The following PRDM16 variants were observed in gnomAD, a reference collection of about 807,000 sequenced individuals.
PRDM16 encodes the protein histone-lysine N-methyltransferase PRDM16.
In PRDM16, 23 loss-of-function variants were observed where a neutral mutation model predicts 110.6. That is an observed-to-expected ratio of 0.21 (90% CI 0.15 to 0.29). The LOEUF (loss-of-function observed/expected upper bound fraction) is 0.29. Ranked by LOEUF, PRDM16 falls within the 10% of genes least tolerant of loss-of-function variation. The pLI, the probability that PRDM16 is intolerant of heterozygous loss-of-function variation, is 1.00. For missense variants in PRDM16, 1,615 were observed against 1,794.3 expected (o/e 0.90, Z 1.81); for synonymous variants, 799 against 781.8 (o/e 1.02, Z -0.37).
intron 2 of PRDM16, among the ~76,000 whole-genome samples, chr1:3,218,879 C>T (rs985031258): frequency 3.9e-5 from 6 of 152,222 alleles, no homozygotes; most frequent in African/African-American, 9.6e-5. Context: ...TTTTTGGAGA[C>T]GTGTTCTCCC....
intron 2 of PRDM16, among the ~76,000 whole-genome samples, chr1:3,195,376 G>A (rs1638448945): frequency 6.6e-6 from 1 of 152,144 alleles, no homozygotes; most frequent in African/African-American, 2.4e-5. Flanking sequence ...AAAAAGGAGA[G>A]AGAATGACTA....
chr1:3,278,229 G>A (rs1220257639), intron 3 of PRDM16, among the ~76,000 whole-genome samples: 1 of 152,196 alleles, frequency 6.6e-6, no homozygotes, highest in African/African-American at 2.4e-5. Context: ...CCCCCTCAAG[G>A]CCATGCTGCA....
chr1:3,268,727 C>G (rs1193992589), intron 3 of PRDM16, among the ~76,000 whole-genome samples: 1 of 152,352 alleles, frequency 6.6e-6, no homozygotes, highest in Non-Finnish European at 1.5e-5. Context: ...CTTCTTACCC[C>G]TAACCCCAGC....
intron 3 of PRDM16, among the ~76,000 whole-genome samples, chr1:3,313,956 T>C (rs34708358): frequency 0.1 from 15,161 of 152,138 alleles, 888 homozygotes; most frequent in African/African-American, 0.15. Flanking sequence ...ATCAGTTGGT[T>C]GCAGAGTTTC....
chr1:3,236,446 G>C (rs930453072), intron 2 of PRDM16, among the ~76,000 whole-genome samples: 1 of 152,202 alleles, frequency 6.6e-6, no homozygotes, highest in African/African-American at 2.4e-5. Context: ...CACCGCATTG[G>C]CAATGAGGTG....
chr1:3,087,271 C>T (rs986286204), intron 1 of PRDM16, among the ~76,000 whole-genome samples: 7 of 150,534 alleles, frequency 4.7e-5, no homozygotes, highest in Non-Finnish European at 7.4e-5. Context: ...AGACCAGCCC[C>T]ACCTGAGGCC....
intron 1 of PRDM16, among the ~76,000 whole-genome samples, chr1:3,116,733 A>G (rs1438482378): frequency 1.3e-5 from 2 of 152,026 alleles, no homozygotes; most frequent in African/African-American, 4.8e-5. Flanking sequence ...TTCTGGCCAC[A>G]CCCTTGCTCT....
intron 12 of PRDM16, among the ~76,000 whole-genome samples, chr1:3,421,086 GC>G (rs1055413333): frequency 6.6e-6 from 1 of 152,222 alleles, no homozygotes; most frequent in African/African-American, 2.4e-5. Flanking sequence ...GCTGCACGCG[GC>G]CCGTGCATGT....
intron 5 of PRDM16, 97 bp downstream of exon 5, chr1:3,396,690 A>G: frequency 1.6e-6 from 1 of 612,064 alleles, no homozygotes; most frequent in Non-Finnish European, 2.9e-6. Context: ...GCCTCTCATC[A>G]CCTCAAGCCA....
intron 1 of PRDM16, among the ~76,000 whole-genome samples, chr1:3,181,178 A>G (rs1487785855): frequency 2.7e-5 from 4 of 148,444 alleles, no homozygotes; most frequent in East Asian, 2.1e-4. Context: ...TTACGGTCTT[A>G]CACACGCAGT....
chr1:3,093,333 G>A (rs1359428056), intron 1 of PRDM16, among the ~76,000 whole-genome samples: 9 of 152,216 alleles, frequency 5.9e-5, no homozygotes, highest in South Asian at 2.1e-4. Context: ...TGGTAGCACC[G>A]GGGCAGTCTG....
At chr1:3,402,332 C>G (rs1643486003) in intron 5 of PRDM16, among the ~76,000 whole-genome samples, 1 of 152,260 alleles carries the variant, frequency 6.6e-6, no homozygotes, top group Admixed American at 6.5e-5. Context: ...AGGATGCTGC[C>G]TCGTAAACTT....
intron 2 of PRDM16, among the ~76,000 whole-genome samples, chr1:3,240,921 A>G (rs556121676): frequency 6.6e-6 from 1 of 152,258 alleles, no homozygotes; most frequent in Admixed American, 6.5e-5. Flanking sequence ...TAAAACGCTT[A>G]ATCAAACACA....
intron 2 of PRDM16, among the ~76,000 whole-genome samples, chr1:3,205,706 G>T (rs890417450): frequency 6.6e-6 from 1 of 152,164 alleles, no homozygotes; most frequent in Non-Finnish European, 1.5e-5. Flanking sequence ...GCTCGGTGGA[G>T]GTAAAGGGAA....
chr1:3,087,707 G>A (rs1056542264), intron 1 of PRDM16, among the ~76,000 whole-genome samples: 3 of 152,104 alleles, frequency 2.0e-5, no homozygotes, highest in Non-Finnish European at 2.9e-5. Flanking sequence ...GGTGGCCCTC[G>A]CGATGGCTGG....
intron 1 of PRDM16, among the ~76,000 whole-genome samples, chr1:3,144,512 C>T (rs904824764): frequency 1.6e-4 from 25 of 152,194 alleles, no homozygotes; most frequent in South Asian, 6.2e-4. Context: ...CTTCCCAGCT[C>T]CACTCTGAGG....
Position 3,339,450 on chromosome 1 carries a change from A to C in PRDM16, c.439-45702A>C, listed in dbSNP as rs567930889. Reference sequence around the variant, plus strand: ...GTGCTCAGAGCAGAGCGGAAAGGGCATGACCCCTACCCAGTGAATCCACAG... The same window carrying C: ...GTGCTCAGAGCAGAGCGGAAAGGGCCTGACCCCTACCCAGTGAATCCACAG... On this transcript the variant is annotated intron_variant, in intron 3 of 16. Transcript: ENST00000270722. This position sits in a 1 kb window ranked among gnomAD's most constrained non-coding sequence, Gnocchi z 5.0. Among the ~76,000 whole-genome samples, 25 of 152,234 alleles carry C rather than the reference A, an allele frequency of 1.6e-4. No individual in the cohort carries two copies. Among genetic ancestry groups the C allele is most frequent in the African/African-American group, 6.0e-4 (25 of 41,548 alleles).
chr1:3,264,074 C>T (rs538834810), intron 3 of PRDM16, among the ~76,000 whole-genome samples: 45 of 152,178 alleles, frequency 3.0e-4, no homozygotes, highest in Non-Finnish European at 5.9e-4. Flanking sequence ...TTTCCAAGGC[C>T]AAGGCTGTGA....
In PRDM16 at chr1:3,411,389, G is replaced by C. The variant is rs1480697001; in HGVS notation, c.1192G>C (p.Val398Leu). ...HSTVKPFICE[V>L]CHKSYTQFSN... ...GGCTTCTGCTGATGTTTTAGGTGAG[G>C]TCTGCCACAAGTCCTACACGCAGTT... Residue 398 changes from valine to leucine, a missense_variant, in exon 9 of 17, where the codon GTC becomes CTC. Val to Leu is a conservative substitution (Grantham distance 32). Around this residue, in one of 5 missense-constraint regions of PRDM16, gnomAD observed 82 missense variants for 144.4 expected, o/e 0.57. Transcript: ENST00000270722. 1 of 1,601,274 alleles carries C rather than the reference G, an allele frequency of 6.2e-7. No homozygotes were observed. Among genetic ancestry groups the C allele is most frequent in the Non-Finnish European group, 8.6e-7 (1 of 1,169,276 alleles).
Sources: allele counts gnomAD v4.1 joint callset (sites outside exome capture counted in the v4.1 genomes callset), GRCh38; gene constraint gnomAD v4.1.1; regional missense constraint gnomAD v4.1.1; non-coding constraint Gnocchi (gnomAD v3.1); transcripts MANE v1.5; gene names NCBI Gene and HGNC (gene_info 2026-07-23, HGNC 2026-07-21).